PDE10A: variants seen among roughly 807,000 people sequenced by gnomAD.
The protein encoded by PDE10A is cAMP and cAMP-inhibited cGMP 3',5'-cyclic phosphodiesterase 10A.
Under a neutral mutation model 97.7 loss-of-function variants are expected in PDE10A, and 39 were observed. That is an observed-to-expected ratio of 0.40 (90% confidence interval 0.31 to 0.52). The LOEUF (loss-of-function observed/expected upper bound fraction) is 0.52. Ranked by LOEUF, PDE10A falls within the 20% of genes least tolerant of loss-of-function variation. The pLI, the probability that PDE10A is intolerant of heterozygous loss-of-function variation, is 0.56. For missense variants in PDE10A, 731 were observed against 1,047.8 expected, an observed-to-expected ratio of 0.70 and a Z score of 4.17; for synonymous variants, 371 against 376.8, an observed-to-expected ratio of 0.98 and a Z score of 0.18.
chr6:165,849,680 A>G (rs1780521280), intron 1 of PDE10A, among the ~76,000 whole-genome samples: 4 of 152,188 alleles, frequency 2.6e-5, no homozygotes. Flanking sequence ...GGAAGTGGGG[A>G]GGCTGTGAGA....
chr6:165,551,697 AC>A (rs1784025087), intron 1 of PDE10A, among the ~76,000 whole-genome samples: 1 of 152,174 alleles, frequency 6.6e-6, no homozygotes, highest in South Asian at 2.1e-4. Flanking sequence ...TGAGGTTATT[AC>A]ACTTTAACAG....
rs1785425114 is a variant in PDE10A at position 165,388,011 on chromosome 6, A to T, written c.2610+287T>A. Among the ~76,000 whole-genome samples the T allele has an allele frequency of 6.6e-6, 1 of 152,240 alleles. No individual in the cohort carries two copies. Among genetic ancestry groups the T allele is most frequent in the African/African-American group, 2.4e-5 (1 of 41,464 alleles). On this transcript the variant is annotated intron_variant, in intron 17 of 21. Transcript: ENST00000539869. The surrounding 1 kb of genome is among the most constrained non-coding windows in gnomAD (Gnocchi z 4.0). Reference sequence around the variant, plus strand: ...ATATGATAATCTATATAATTAATTGATTTAAACTATGTAAAATAAGTATTG... The same window carrying T: ...ATATGATAATCTATATAATTAATTGTTTTAAACTATGTAAAATAAGTATTG...
intron 14 of PDE10A, among the ~76,000 whole-genome samples, chr6:165,395,506 AATG>A (rs1280736873): frequency 6.6e-6 from 1 of 152,172 alleles, no homozygotes; most frequent in Admixed American, 6.5e-5. Flanking sequence ...TCTGTTTGAA[AATG>A]ATGCTTCATT....
chr6:165,854,816 C>T (rs1405506998), intron 1 of PDE10A, among the ~76,000 whole-genome samples: 4 of 152,150 alleles, frequency 2.6e-5, no homozygotes, highest in African/African-American at 9.7e-5. Context: ...CAGGGCAGGG[C>T]GGCCCGTGGC....
At chr6:165,869,611 G>A (rs932825911) in intron 1 of PDE10A, among the ~76,000 whole-genome samples, 1 of 152,048 alleles carries the variant, frequency 6.6e-6, no homozygotes, top group Non-Finnish European at 1.5e-5. Context: ...AAATTCATAT[G>A]GAATCACAAA....
At chr6:165,367,241 A>ATGTGTG (rs58370634) in intron 18 of PDE10A, among the ~76,000 whole-genome samples, 14 of 147,290 alleles carry the variant, frequency 9.5e-5, no homozygotes, top group African/African-American at 2.5e-4. Flanking sequence ...ACACACACAT[A>ATGTGTG]TGTGTGTGTG....
In PDE10A at chr6:165,568,292, T is replaced by C. The variant is rs189971644; in HGVS notation, c.866-24724A>G. On this transcript the variant is annotated intron_variant, in intron 1 of 21. Coordinates refer to ENST00000539869, the MANE Select transcript of PDE10A (RefSeq NM_001385079.1). ...GGGATTACAGGCGTGAGCCACCGCA[T>C]CCGGCCAGCATTTTTTTAAAGAACT... 6.9e-3 allele frequency among the ~76,000 whole-genome samples: 1,044 copies of C among 152,142 alleles called. 15 individuals are homozygous for C. Among genetic ancestry groups the C allele is most frequent in the African/African-American group, 0.023 (969 of 41,520 alleles).
chr6:165,577,790 C>T (rs1270959475), intron 1 of PDE10A, among the ~76,000 whole-genome samples: 1 of 152,188 alleles, frequency 6.6e-6, no homozygotes, highest in East Asian at 1.9e-4. Flanking sequence ...ATCATGCCCA[C>T]CCTAGAAACG....
chr6:165,393,293 A>G (rs1785863665), intron 15 of PDE10A, among the ~76,000 whole-genome samples: 1 of 152,126 alleles, frequency 6.6e-6, no homozygotes, highest in Non-Finnish European at 1.5e-5. Context: ...ATTAAGGTTT[A>G]TTACACACTC....
chr6:165,525,189 T>C (rs1283006422), intron 2 of PDE10A, among the ~76,000 whole-genome samples: 2 of 152,114 alleles, frequency 1.3e-5, no homozygotes, highest in South Asian at 4.1e-4. Flanking sequence ...ACACTTGAAC[T>C]GTTTGAGTTA....
intron 2 of PDE10A, among the ~76,000 whole-genome samples, chr6:165,496,346 T>C (rs1313050978): frequency 6.6e-6 from 1 of 152,198 alleles, no homozygotes; most frequent in Non-Finnish European, 1.5e-5. Flanking sequence ...GAAATCAGAA[T>C]ACGACAGAAA....
rs58229023 is a variant in PDE10A, at chr6:165,752,129, C to CA, written c.-614-208562dup. The stretch of plus-strand genomic sequence containing the variant: ...CTGCACTCCAGCCTGGGCAACAGAG[C>CA]AAAAAAAAAAAAAAAAAAAAAAAAA... On this transcript the variant is annotated intron_variant, in intron 1 of 19. Transcript: ENST00000366882. Among the ~76,000 whole-genome samples the CA allele has an allele frequency of 5.4e-3, 361 of 66,346 alleles. 3 individuals carry two copies. The highest frequency in any genetic ancestry group is 0.018 in the African/African-American group (343 of 18,566). The allele number at this position is 66,346 out of a possible 152,430, so 43.5% of individuals were successfully genotyped here.
intron 1 of PDE10A, among the ~76,000 whole-genome samples, chr6:165,776,868 T>A (rs971536767): frequency 1.3e-5 from 2 of 152,162 alleles, no homozygotes; most frequent in Non-Finnish European, 2.9e-5. Context: ...GTTGCCTGAG[T>A]GAGACCACAT....
At chr6:165,416,766 T>G (rs936485090) in intron 11 of PDE10A, among the ~76,000 whole-genome samples, 6 of 152,216 alleles carry the variant, frequency 3.9e-5, no homozygotes, top group African/African-American at 1.4e-4. Context: ...AGGTTACACG[T>G]GAGCTTGAGA....
chr6:165,850,223 G>A (rs540744523), intron 1 of PDE10A, among the ~76,000 whole-genome samples: 45 of 152,336 alleles, frequency 3.0e-4, no homozygotes, highest in Middle Eastern at 3.4e-3. Context: ...CCTGGACTCC[G>A]GGAGGCGCCA....
At chr6:165,663,330 G>C (rs1414059243), upstream of PDE10A, among the ~76,000 whole-genome samples, 2 of 152,046 alleles carry the variant, frequency 1.3e-5, no homozygotes, top group African/African-American at 2.4e-5. Flanking sequence ...CCCTGCGCCA[G>C]GCTCCCGCAC....
intron 1 of PDE10A, among the ~76,000 whole-genome samples, chr6:165,943,935 C>T (rs896445305): frequency 1.3e-5 from 2 of 152,196 alleles, no homozygotes; most frequent in African/African-American, 4.8e-5. Flanking sequence ...TGTGCCTTCC[C>T]TTCTGTATTA....
intron 2 of PDE10A, among the ~76,000 whole-genome samples, chr6:165,503,548 G>A (rs543506263): frequency 6.6e-6 from 1 of 152,214 alleles, no homozygotes; most frequent in African/African-American, 2.4e-5. Flanking sequence ...TTGGAAACGT[G>A]GCACGAGATT....
At chr6:165,951,182 G>A (rs971576910) in intron 1 of PDE10A, among the ~76,000 whole-genome samples, 1 of 152,156 alleles carries the variant, frequency 6.6e-6, no homozygotes, top group Non-Finnish European at 1.5e-5. Context: ...ACAAAGTCAC[G>A]CTAGATTTGC....
Sources: allele counts gnomAD v4.1 joint callset (sites outside exome capture counted in the v4.1 genomes callset), GRCh38; gene constraint gnomAD v4.1.1; non-coding constraint Gnocchi (gnomAD v3.1); transcripts MANE v1.5; gene names NCBI Gene and HGNC (gene_info 2026-07-23, HGNC 2026-07-21).